The following THBS4 variants were observed in gnomAD, a reference collection of about 807,000 sequenced individuals.
THBS4 encodes the protein thrombospondin-4.
THBS4 carries 90 observed loss-of-function variants against 115.7 expected under a neutral mutation model. That is an observed-to-expected ratio of 0.78 (90% CI 0.66 to 0.93). The LOEUF (loss-of-function observed/expected upper bound fraction) is 0.93, where lower values mean the gene tolerates loss of function less well. Among genes scored for constraint, THBS4 ranks in the 40% least tolerant of loss-of-function variants. The pLI is 0.00. For missense variants in THBS4, 1,087 were observed against 1,232.7 expected, an observed-to-expected ratio of 0.88 and a Z score of 1.77; for synonymous variants, 460 against 479.3, an observed-to-expected ratio of 0.96 and a Z score of 0.53.
upstream of THBS4, among the ~76,000 whole-genome samples, chr5:80,034,670 A>G (rs192030180): frequency 1.3e-5 from 2 of 152,340 alleles, no homozygotes; most frequent in African/African-American, 2.4e-5. Context: ...CGAATTATCC[A>G]TAAAGCACAG....
Position 80,058,709 on chromosome 5 carries a change from G to A in THBS4, c.651G>A (p.Gly217=), listed in dbSNP as rs1235355136. The A allele has an allele frequency of 1.2e-6, 2 of 1,614,080 alleles. No homozygotes were observed. Among genetic ancestry groups the A allele is most frequent in the Non-Finnish European group, 8.5e-7 (1 of 1,179,984 alleles). The change falls in exon 5 of 22, where the codon GGG becomes GGA. Residue 217 remains glycine, a splice_region_variant and synonymous_variant. Transcript: ENST00000350881. ...QSEPLAATGT[G]DFNRQFLGQM... ...CTTTGCCTTTTGCTGTTCCTACAGGGGACTTTAACCGGCAGTTCTTGGGTC... is the reference window on the plus strand; with the variant it reads ...CTTTGCCTTTTGCTGTTCCTACAGGAGACTTTAACCGGCAGTTCTTGGGTC...
intron 2 of THBS4, among the ~76,000 whole-genome samples, chr5:80,024,298 ACT>A (rs1388471790): frequency 2.6e-5 from 4 of 152,152 alleles, no homozygotes; most frequent in African/African-American, 9.7e-5. Context: ...TAACCAGGAC[ACT>A]ACCCCTTCTT....
At chr5:80,082,935 G>T in intron 21 of THBS4, 145 bp from the exon 22 acceptor site, 1 of 753,974 alleles carries the variant, frequency 1.3e-6, no homozygotes, top group Non-Finnish European at 2.3e-6. Flanking sequence ...AAAGCAGCCT[G>T]CAGGAGAAAA....
At chr5:80,033,216 G>A, upstream of THBS4, 1 of 454,694 alleles carries the variant, frequency 2.2e-6, no homozygotes, top group Non-Finnish European at 4.5e-6. Context: ...TCCTGCGGCT[G>A]ATGGGGAACA....
chr5:80,073,722 A>G (rs1017364674), intron 15 of THBS4, among the ~76,000 whole-genome samples: 1 of 151,958 alleles, frequency 6.6e-6, no homozygotes, highest in Admixed American at 6.6e-5. Flanking sequence ...CTGCTGCTCC[A>G]TTCCTTGGGA....
chr5:80,072,156 A>G, intron 13 of THBS4, 122 bp from the exon 14 acceptor site: 1 of 798,870 alleles, frequency 1.3e-6, no homozygotes, highest in Non-Finnish European at 2.2e-6. Context: ...AACTGCAGAA[A>G]AGGGTAGTCT....
intron 12 of THBS4, 77 bp downstream of exon 12, chr5:80,070,827 G>A (rs1834020200): frequency 6.4e-7 from 1 of 1,571,498 alleles, no homozygotes; most frequent in Admixed American, 1.7e-5. Context: ...TGTCAACTAT[G>A]TATATGAATC....
chr5:80,050,376 C>T (rs900588425), intron 2 of THBS4, among the ~76,000 whole-genome samples: 1 of 152,024 alleles, frequency 6.6e-6, no homozygotes, highest in African/African-American at 2.4e-5. Context: ...ATTGGTCAGG[C>T]TGGAAATGAA....
At chr5:80,062,411 T>C (rs2112106670) in intron 8 of THBS4, among the ~76,000 whole-genome samples, 1 of 152,378 alleles carries the variant, frequency 6.6e-6, no homozygotes, top group South Asian at 2.1e-4. Flanking sequence ...TTGATGTTTT[T>C]AGCCCTTAAA....
At position 80,082,573 on chromosome 5, in the gene THBS4, C is replaced by T. The variant is rs1242881076; in HGVS notation, c.2824+28C>T. The T allele has an allele frequency of 5.0e-6, 8 of 1,611,894 alleles. No individual in the cohort carries two copies. In the Admixed American group the frequency reaches 1.2e-4, roughly 24 times the overall value. On this transcript the variant is annotated intron_variant, in intron 21 of 21. Transcript: ENST00000350881. The stretch of plus-strand genomic sequence containing the variant: ...AATGTGCATTCTCGTTACTGTTCAA[C>T]ATTGTTACTAGAATTAGTCAAACAC...
chr5:80,082,625 C>G lies in THBS4; in HGVS notation c.2824+80C>G, dbSNP rs1380622978. ...GCCACCTTATTTTTATACCGCACTT[C>G]CCCCCCAAAAGCCCAACGCTCATAC... On this transcript the variant is annotated intron_variant, in intron 21 of 21. Transcript: ENST00000350881. 2.0e-6 allele frequency: 3 copies of G among 1,491,912 alleles called. No homozygotes were observed. The Admixed American group carries it at 5.8e-5, about 29-fold the overall frequency. 92.4% of individuals were successfully genotyped at this position (1,491,912 alleles called of 1,614,324 possible). A position where few individuals can be genotyped will look rare whatever the true frequency, so the allele number is the denominator to read the frequency against.
At chr5:80,072,737 A>C in intron 14 of THBS4, 1 of 303,586 alleles carries the variant, frequency 3.3e-6, no homozygotes. Flanking sequence ...CTAAACCCCT[A>C]CACAGCCTAT....
At chr5:79,997,717 A>G (rs1404912128) in intron 1 of THBS4, among the ~76,000 whole-genome samples, 1 of 152,218 alleles carries the variant, frequency 6.6e-6, no homozygotes, top group African/African-American at 2.4e-5. Flanking sequence ...TTAAGAGCCT[A>G]TATAACATTC....
At chr5:80,083,021 G>T in intron 21 of THBS4, 59 bp from the exon 22 acceptor site, 1 of 1,506,240 alleles carries the variant, frequency 6.6e-7, no homozygotes, top group Non-Finnish European at 9.2e-7. Flanking sequence ...GCGGGCGGGG[G>T]TCCGGGGTCC....
At chr5:80,068,252 G>T in intron 10 of THBS4, 127 bp downstream of exon 10, 1 of 1,180,088 alleles carries the variant, frequency 8.5e-7, no homozygotes, top group South Asian at 1.5e-5. Context: ...AATGAGCATG[G>T]AGTGTAATAG....
Position 80,078,144 on chromosome 5 carries a change from A to T in THBS4, c.2182A>T (p.Thr728Ser), listed in dbSNP as rs1241061877. 1.2e-6 allele frequency: 2 copies of T among 1,612,594 alleles called. No individual in the cohort carries two copies. Among genetic ancestry groups the T allele is most frequent in the Admixed American group, 3.3e-5 (2 of 59,916 alleles). The change falls in exon 17 of 22, where the codon ACC becomes TCC. Residue 728 changes from threonine (T) to serine (S), a missense_variant. By Grantham distance (58) the Thr-to-Ser change is moderately conservative. Coordinates refer to ENST00000350881, the MANE Select transcript of THBS4 (RefSeq NM_003248.6). ...VCPENAEVTL[T>S]DFRAYQTVVL... ...CCCAGAGAACGCAGAGGTCACCCTG[A>T]CCGACTTCAGGGCTTACCAGACCGT...
chr5:80,081,756 CT>C (rs1275240669), intron 20 of THBS4, among the ~76,000 whole-genome samples: 1 of 152,212 alleles, frequency 6.6e-6, no homozygotes, highest in African/African-American at 2.4e-5. Flanking sequence ...CTGATAGTTG[CT>C]CTTTACCTAC....
intron 2 of THBS4, among the ~76,000 whole-genome samples, chr5:80,029,004 G>A (rs991059903): frequency 8.6e-5 from 13 of 152,034 alleles, no homozygotes; most frequent in Admixed American, 2.0e-4. Context: ...AAAATCCCTC[G>A]ATGTGACAGT....
chr5:80,021,231 G>GTCCATGTGAAACTAGTT (rs1158624544), intron 2 of THBS4, among the ~76,000 whole-genome samples: 1 of 152,166 alleles, frequency 6.6e-6, no homozygotes, highest in Non-Finnish European at 1.5e-5. Context: ...CCAACTGCAA[G>GTCCATGTGAAACTAGTT]TCCATGTGAA....
Sources: gnomAD v4.1 joint callset for allele counts (sites outside exome capture counted in the v4.1 genomes callset) on GRCh38, gnomAD v4.1.1 for gene constraint, MANE v1.5 for transcripts, NCBI Gene and HGNC (gene_info 2026-07-23, HGNC 2026-07-21) for gene names.